Variants in DUSP14 observed in about 807,000 individuals in gnomAD.
DUSP14 encodes the protein dual specificity protein phosphatase 14.
A neutral mutation model predicts 13.2 loss-of-function variants in DUSP14; 5 were observed. That is an observed-to-expected ratio of 0.38 (90% confidence interval 0.20 to 0.80). The LOEUF is 0.80. Among genes scored for constraint, DUSP14 ranks in the 30% least tolerant of loss-of-function variants. The pLI is 0.44. For missense variants in DUSP14, 185 were observed against 264.0 expected (o/e 0.70, Z 2.07); for synonymous variants, 91 against 103.4 (o/e 0.88, Z 0.73).
intron 1 of DUSP14, among the ~76,000 whole-genome samples, chr17:37,504,635 T>TG (rs2054126019): frequency 6.6e-6 from 1 of 152,130 alleles, no homozygotes; most frequent in African/African-American, 2.4e-5. Context: ...CTGGCTGGAG[T>TG]GCTACAATCA....
intron 1 of DUSP14, among the ~76,000 whole-genome samples, chr17:37,498,585 C>G (rs890759286): frequency 6.6e-6 from 1 of 151,896 alleles, no homozygotes; most frequent in Non-Finnish European, 1.5e-5. Flanking sequence ...CTCGGCCTCC[C>G]AAAGTGCTGG....
chr17:37,508,176 A>G (rs2054150176), intron 1 of DUSP14, among the ~76,000 whole-genome samples: 1 of 152,186 alleles, frequency 6.6e-6, no homozygotes, highest in East Asian at 1.9e-4. Context: ...TCCAGGAGGG[A>G]CTTGTGGTCT....
intron 1 of DUSP14, among the ~76,000 whole-genome samples, chr17:37,494,796 CT>C (rs973158462): frequency 1.4e-4 from 21 of 152,128 alleles, no homozygotes; most frequent in African/African-American, 5.1e-4. Context: ...CAGGGGAATC[CT>C]TTTTAGCTGG....
chr17:37,490,459 A>G (rs1328707692), intron 1 of DUSP14, among the ~76,000 whole-genome samples: 1 of 152,176 alleles, frequency 6.6e-6, no homozygotes, highest in Non-Finnish European at 1.5e-5. Context: ...GCGGTGGTAG[A>G]TGGGTGTGCG....
At chr17:37,498,327 T>TG in intron 1 of DUSP14, among the ~76,000 whole-genome samples, 1 of 124,922 alleles carries the variant, frequency 8.0e-6, no homozygotes, top group South Asian at 2.8e-4. Context: ...TTTTTTTTTT[T>TG]TTTTTTTTTT....
chr17:37,489,018 G>A (rs2054006994), upstream of DUSP14, among the ~76,000 whole-genome samples: 1 of 152,226 alleles, frequency 6.6e-6, no homozygotes, highest in South Asian at 2.1e-4. Context: ...GCAGAGCCTT[G>A]AGGAAGTCGC....
At chr17:37,494,277 G>A (rs1792456596) in intron 1 of DUSP14, among the ~76,000 whole-genome samples, 1 of 152,208 alleles carries the variant, frequency 6.6e-6, no homozygotes, top group Non-Finnish European at 1.5e-5. Context: ...ACAGGCGTGA[G>A]CCACCGCACC....
At chr17:37,489,654 G>A (rs987875160), upstream of DUSP14, among the ~76,000 whole-genome samples, 3 of 152,010 alleles carry the variant, frequency 2.0e-5, no homozygotes, top group African/African-American at 4.8e-5. Flanking sequence ...CAGGGGACCT[G>A]CACGGAGGAG....
upstream of DUSP14, among the ~76,000 whole-genome samples, chr17:37,488,793 T>C (rs1390630188): frequency 6.6e-6 from 1 of 152,238 alleles, no homozygotes; most frequent in African/African-American, 2.4e-5. Context: ...GGGAAGAACA[T>C]GAAAAAGCTT....
chr17:37,509,137 A>ATATATATG lies in DUSP14; in HGVS notation c.-180-1540_-180-1539insTATATATG, dbSNP rs1568204463. On this transcript the variant is annotated intron_variant, in intron 1 of 2. Coordinates refer to ENST00000617516, the MANE Select transcript of DUSP14 (RefSeq NM_007026.4). ...TATATATATATATATATACACACAC[A>ATATATATG]CACACACACACACACACACACACAC... Among the ~76,000 whole-genome samples the ATATATATG allele has an allele frequency of 7.2e-3, 335 of 46,402 alleles. 32 individuals carry two copies. Among genetic ancestry groups the ATATATATG allele is most frequent in the East Asian group, 0.015 (16 of 1,042 alleles). The allele number at this position is 46,402 out of a possible 152,430, so 30.4% of individuals were successfully genotyped here.
intron 1 of DUSP14, among the ~76,000 whole-genome samples, chr17:37,500,094 G>A (rs1159629006): frequency 6.6e-6 from 1 of 152,252 alleles, no homozygotes; most frequent in Non-Finnish European, 1.5e-5. Flanking sequence ...CCATCCCGCT[G>A]AAGCAGAAGA....
At chr17:37,508,091 A>G (rs917017482) in intron 1 of DUSP14, among the ~76,000 whole-genome samples, 16 of 152,242 alleles carry the variant, frequency 1.1e-4, no homozygotes, top group African/African-American at 3.9e-4. Flanking sequence ...AGCATTAACC[A>G]GTCATGGGAT....
intron 1 of DUSP14, among the ~76,000 whole-genome samples, chr17:37,494,513 CCTGCTTTGTGAACAGACA>C (rs2143051842): frequency 6.6e-6 from 1 of 152,264 alleles, no homozygotes; most frequent in South Asian, 2.1e-4. Flanking sequence ...AGCTTGAATT[CCTGCTTTGTGAACAGACA>C]GTTACCAGGC....
chr17:37,499,290 G>T (rs2054089619), intron 1 of DUSP14, among the ~76,000 whole-genome samples: 1 of 152,086 alleles, frequency 6.6e-6, no homozygotes, highest in Admixed American at 6.6e-5. Flanking sequence ...TTTGAGTGGG[G>T]ACACAGAGCC....
intron 1 of DUSP14, among the ~76,000 whole-genome samples, chr17:37,509,243 C>CTA (rs71135736): frequency 3.6e-4 from 16 of 44,808 alleles, no homozygotes; most frequent in Non-Finnish European, 5.4e-4. Flanking sequence ...TATATACACA[C>CTA]TATATATATA....
At position 37,496,915 on chromosome 17, in the gene DUSP14, CAAAAAAAA is replaced by C. The variant is rs71135730; in HGVS notation, c.-181+6969_-181+6976del. 6.1e-5 allele frequency among the ~76,000 whole-genome samples: 6 copies of C among 98,628 alleles called. No homozygotes were observed. The East Asian group carries it at 8.4e-4, about 14-fold the overall frequency. The allele number at this position is 98,628 out of a possible 152,430, so 64.7% of individuals were successfully genotyped here. A position where few individuals can be genotyped will look rare whatever the true frequency, so the allele number is the denominator to read the frequency against. ...TGGGCAACAGAGTAAGACTCTGTCT[CAAAAAAAA>C]AAAAAAAAAAAGAAAAGAAAATTAT... On this transcript the variant is annotated intron_variant, in intron 1 of 2. Coordinates refer to ENST00000617516, the MANE Select transcript of DUSP14 (RefSeq NM_007026.4).
chr17:37,503,257 T>C (rs2054116597), intron 1 of DUSP14, among the ~76,000 whole-genome samples: 1 of 152,104 alleles, frequency 6.6e-6, no homozygotes, highest in South Asian at 2.1e-4. Flanking sequence ...AAACCCTGTC[T>C]CTATAAAAAA....
chr17:37,512,880 G>A lies in DUSP14; in HGVS notation c.*11G>A, dbSNP rs748915372. 5.7e-6 allele frequency: 9 copies of A among 1,587,360 alleles called. No individual in the cohort carries two copies. Among genetic ancestry groups the A allele is most frequent in the Non-Finnish European group, 6.0e-6 (7 of 1,160,408 alleles). Reference sequence around the variant, plus strand: ...TACTGGGGGATTTAGTGCCACTGAAGCCTGCGTCAGCAGCCCGAGCGGGGC... The same window carrying A: ...TACTGGGGGATTTAGTGCCACTGAAACCTGCGTCAGCAGCCCGAGCGGGGC... On this transcript the variant is annotated 3_prime_UTR_variant, in exon 3 of 3. Transcript: ENST00000617516. This position sits in a 1 kb window ranked among gnomAD's most constrained non-coding sequence, Gnocchi z 4.8.
Position 37,510,706 on chromosome 17 carries a change from T to C in DUSP14, c.-151T>C, listed in dbSNP as rs962377707. 2.6e-5 allele frequency: 4 copies of C among 152,258 alleles called. No individual in the cohort carries two copies. The highest frequency in any genetic ancestry group is 4.4e-5 in the Non-Finnish European group (3 of 68,080). The allele number at this position is 152,258 out of a possible 1,614,324, so 9.4% of individuals were successfully genotyped here. ...GATTTGTATCCACTGTCACCAGCACTGCTCACTTAGGACTTTCTGGATCCG... is the reference window on the plus strand; with the variant it reads ...GATTTGTATCCACTGTCACCAGCACCGCTCACTTAGGACTTTCTGGATCCG... On this transcript the variant is annotated 5_prime_UTR_variant, in exon 2 of 3. Transcript: ENST00000617516.
Sources: gnomAD v4.1 joint callset for allele counts (sites outside exome capture counted in the v4.1 genomes callset) on GRCh38, gnomAD v4.1.1 for gene constraint, Gnocchi (gnomAD v3.1) non-coding constraint, MANE v1.5 for transcripts, NCBI Gene and HGNC (gene_info 2026-07-23, HGNC 2026-07-21) for gene names.